TUBGCP4: variants seen among roughly 807,000 people sequenced by gnomAD.
TUBGCP4 encodes the protein tubulin gamma complex component 4.
In TUBGCP4, 54 loss-of-function variants were observed where a neutral mutation model predicts 91.6. The observed-to-expected ratio is 0.59, with a 90% CI of 0.47 to 0.74. The LOEUF is 0.74. Ranked by LOEUF, TUBGCP4 falls within the 30% of genes least tolerant of loss-of-function variation. TUBGCP4 has a pLI of 0.00. For missense variants in TUBGCP4, 593 were observed against 800.9 expected (o/e 0.74, Z 3.13); for synonymous variants, 297 against 302.8 (o/e 0.98, Z 0.20).
rs1160355391 is a variant in TUBGCP4, at chr15:43,375,108, G to A, written c.79-990G>A. ...AGTAGAGACAGGGTTTCATCATGTT[G>A]GCCAGGCTGGTCTTGAACTCCTGAC... On this transcript the variant is annotated intron_variant, in intron 1 of 17. Coordinates refer to ENST00000564079, the MANE Select transcript of TUBGCP4 (RefSeq NM_014444.5). 2.0e-5 allele frequency among the ~76,000 whole-genome samples: 3 copies of A among 152,192 alleles called. No individual in the cohort carries two copies. The East Asian group carries it at 5.8e-4, about 29-fold the overall frequency.
intron 13 of TUBGCP4, chr15:43,398,993 T>TTA (rs2044625704): frequency 2.9e-6 from 1 of 349,168 alleles, no homozygotes; most frequent in Non-Finnish European, 5.1e-6. Flanking sequence ...TTATAATCCC[T>TTA]TATAATATCC....
Position 43,406,995 on chromosome 15 carries a change from C to T in TUBGCP4, c.*1781C>T, listed in dbSNP as rs1393432895. On this transcript the variant is annotated 3_prime_UTR_variant, in exon 18 of 18. Transcript: ENST00000564079. ...GCACAACTGTTAATCTGGGCCTTCA[C>T]CTACCTTAAACTGAGTTTCTGCAAG... The T allele has an allele frequency of 1.3e-5, 3 of 234,872 alleles. No individual in the cohort carries two copies. The highest frequency in any genetic ancestry group is 2.2e-4 in the East Asian group (2 of 9,238). 14.5% of individuals were successfully genotyped at this position (234,872 alleles called of 1,614,324 possible). A position where few individuals can be genotyped will look rare whatever the true frequency, so the allele number is the denominator to read the frequency against.
chr15:43,386,377 A>ATATATATATATATT (rs1555394852), intron 9 of TUBGCP4, 47 bp downstream of exon 9: 1 of 19,102 alleles, frequency 5.2e-5, no homozygotes. Flanking sequence ...ATATATATAT[A>ATATATATATATATT]TTTTTTTTTT....
intron 16 of TUBGCP4, 200 bp downstream of exon 16, chr15:43,403,999 T>C (rs1375778160): frequency 1.7e-6 from 1 of 585,954 alleles, no homozygotes; most frequent in South Asian, 2.1e-5. Context: ...TGCTCAAAAA[T>C]AGTTCAGTCC....
At chr15:43,380,223 C>T (rs2044267473) in intron 6 of TUBGCP4, 60 bp downstream of exon 6, 1 of 1,414,916 alleles carries the variant, frequency 7.1e-7, no homozygotes, top group Non-Finnish European at 1.0e-6. Flanking sequence ...TATTTGACTT[C>T]TCACATGTTT....
intron 9 of TUBGCP4, chr15:43,391,552 T>C (rs1156528459): frequency 6.6e-6 from 1 of 152,238 alleles, no homozygotes; most frequent in Non-Finnish European, 1.5e-5. Flanking sequence ...CACCCATTCT[T>C]AGGCAACCTG....
At chr15:43,377,938 G>A in intron 5 of TUBGCP4, 35 bp downstream of exon 5, 1 of 1,490,624 alleles carries the variant, frequency 6.7e-7, no homozygotes, top group Non-Finnish European at 9.1e-7. Context: ...GCTTTGCTAA[G>A]CACTGAGGGA....
At chr15:43,380,586 A>G (rs2044271812) in intron 6 of TUBGCP4, among the ~76,000 whole-genome samples, 1 of 152,220 alleles carries the variant, frequency 6.6e-6, no homozygotes, top group African/African-American at 2.4e-5. Context: ...TCCTAACAAA[A>G]CTATTTAATA....
At chr15:43,373,720 C>T (rs1339607166) in intron 1 of TUBGCP4, among the ~76,000 whole-genome samples, 1 of 150,686 alleles carries the variant, frequency 6.6e-6, no homozygotes, top group Non-Finnish European at 1.5e-5. Context: ...GCAATCTCGG[C>T]TCACTGCAAG....
At position 43,403,714 on chromosome 15, in the gene TUBGCP4, T is replaced by A. The variant is rs767532327; in HGVS notation, c.1763T>A (p.Leu588His). Residue 588 changes from leucine to histidine, a missense_variant, in exon 16 of 18, where the codon CTC becomes CAC. Coordinates refer to ENST00000564079, the MANE Select transcript of TUBGCP4 (RefSeq NM_014444.5). The stretch of plus-strand genomic sequence containing the variant: ...CACTGCCTGAATGAAATCCTAGATC[T>A]CTGTCACAGTTTTTGTTCGCTGGTC... ...VFHCLNEILD[L>H]CHSFCSLVSQ... The A allele has an allele frequency of 6.2e-7, 1 of 1,613,282 alleles. No homozygotes were observed.
chr15:43,389,404 T>G (rs2044431584), intron 9 of TUBGCP4, among the ~76,000 whole-genome samples: 1 of 152,160 alleles, frequency 6.6e-6, no homozygotes, highest in Admixed American at 6.6e-5. Flanking sequence ...TTATTTTTAT[T>G]TTTTGAGATG....
intron 1 of TUBGCP4, among the ~76,000 whole-genome samples, chr15:43,372,170 A>G (rs2044133815): frequency 6.6e-6 from 1 of 152,118 alleles, no homozygotes; most frequent in Admixed American, 6.5e-5. Context: ...AATTTAGTCC[A>G]CTTAGGTATT....
rs1356387478 is a variant in TUBGCP4, at chr15:43,407,899, G to A, written c.*2685G>A. On this transcript the variant is annotated 3_prime_UTR_variant, in exon 18 of 18. Transcript: ENST00000564079. ...CAAGGCCTAACACCTACAGGTCTAA[G>A]GAGATCCCTGGAACAAAGACACTAC... 1 of 1,584,848 alleles carries A rather than the reference G, an allele frequency of 6.3e-7. No individual in the cohort carries two copies. The highest frequency in any genetic ancestry group is 8.6e-7 in the Non-Finnish European group (1 of 1,168,726).
At chr15:43,377,183 A>T in intron 4 of TUBGCP4, 116 bp downstream of exon 4, 1 of 853,120 alleles carries the variant, frequency 1.2e-6, no homozygotes, top group Non-Finnish European at 1.9e-6. Context: ...CTAACATTTT[A>T]TATTTTGTGC....
chr15:43,373,873 C>T (rs925802599), intron 1 of TUBGCP4, among the ~76,000 whole-genome samples: 15 of 152,106 alleles, frequency 9.9e-5, no homozygotes, highest in Admixed American at 3.9e-4. Context: ...AGGATGGTCT[C>T]GATCTCCTGA....
intron 9 of TUBGCP4, among the ~76,000 whole-genome samples, chr15:43,389,368 C>A (rs1371952960): frequency 6.6e-6 from 1 of 152,046 alleles, no homozygotes; most frequent in African/African-American, 2.4e-5. Context: ...ATACTATCTG[C>A]AAATGAGAGA....
chr15:43,397,132 G>T, intron 11 of TUBGCP4, 82 bp from the exon 12 acceptor site: 1 of 922,488 alleles, frequency 1.1e-6, no homozygotes, highest in Non-Finnish European at 1.8e-6. Flanking sequence ...TGAGCATGTT[G>T]GGGGAGAAGT....
rs893482411 is a variant in TUBGCP4, at chr15:43,407,327, G to C, written c.*2113G>C. On this transcript the variant is annotated 3_prime_UTR_variant, in exon 18 of 18. Transcript: ENST00000564079. ...TACACACAAGACACATTTAAAACCT[G>C]GTTAAAACACAATCTCCACGATAGC... 7.2e-6 allele frequency: 11 copies of C among 1,524,852 alleles called. No individual in the cohort carries two copies. The Admixed American group carries it at 1.9e-4, about 26-fold the overall frequency. The allele number at this position is 1,524,852 out of a possible 1,614,324, so 94.5% of individuals were successfully genotyped here.
At position 43,377,035 on chromosome 15, in the gene TUBGCP4, T is replaced by G; in HGVS notation, c.352T>G (p.Ser118Ala). The G allele has an allele frequency of 6.2e-7, 1 of 1,614,032 alleles. No individual in the cohort carries two copies. Among genetic ancestry groups the G allele is most frequent in the African/African-American group, 1.3e-5 (1 of 75,060 alleles). Residue 118 changes from serine (S) to alanine (A), a missense_variant, in exon 4 of 18, where the codon TCC becomes GCC. Transcript: ENST00000564079. ...GCAGTTCCTGGGTGATCCCCATCTC[T>G]CCATATCACATGTCAACTACTTCCT... ...EQEFLGDPHLSISHVNYFLDQ... is the reference protein window; with the variant it reads ...EQEFLGDPHLAISHVNYFLDQ...
Sources: gnomAD v4.1 joint callset for allele counts (sites outside exome capture counted in the v4.1 genomes callset) on GRCh38, gnomAD v4.1.1 for gene constraint, MANE v1.5 for transcripts, NCBI Gene and HGNC (gene_info 2026-07-23, HGNC 2026-07-21) for gene names.